CAST: variants seen among roughly 807,000 people sequenced by gnomAD.
The protein encoded by CAST is calpastatin, also known as MIR583 host.
Under a neutral mutation model 119.6 loss-of-function variants are expected in CAST, and 76 were observed. The observed-to-expected ratio is 0.64, with a 90% CI of 0.53 to 0.77. The LOEUF is 0.77. Ranked by LOEUF, CAST falls within the 30% of genes least tolerant of loss-of-function variation. The pLI, the probability that CAST is intolerant of heterozygous loss-of-function variation, is 0.00. For missense variants in CAST, 953 were observed against 946.5 expected, an observed-to-expected ratio of 1.01 and a Z score of -0.09; for synonymous variants, 319 against 331.6, an observed-to-expected ratio of 0.96 and a Z score of 0.41.
intron 1 of CAST, among the ~76,000 whole-genome samples, chr5:96,554,589 A>C (rs1203896444): frequency 1.3e-5 from 2 of 152,248 alleles, no homozygotes; most frequent in East Asian, 3.8e-4. Context: ...TCTGCACAGC[A>C]AAAGAAACTA....
At chr5:96,521,336 C>A (rs897110636), upstream of CAST, among the ~76,000 whole-genome samples, 1 of 152,210 alleles carries the variant, frequency 6.6e-6, no homozygotes, top group Admixed American at 6.5e-5. Flanking sequence ...AGGCTGGCCC[C>A]ATCTGTCCTT....
chr5:96,463,442 A>G, the CAST span, among the ~76,000 whole-genome samples: 1 of 152,096 alleles, frequency 6.6e-6, no homozygotes, highest in African/African-American at 2.4e-5. Context: ...TTCTTGGGGA[A>G]ACCACATTGC....
chr5:96,570,636 C>T (rs932159691), intron 1 of CAST, among the ~76,000 whole-genome samples: 5 of 152,194 alleles, frequency 3.3e-5, no homozygotes, highest in African/African-American at 9.6e-5. Context: ...ATGCTTAAAA[C>T]ATGTAGAGTG....
At chr5:96,620,288 CTTT>C (rs60552077) in intron 1 of CAST, among the ~76,000 whole-genome samples, 4 of 134,548 alleles carry the variant, frequency 3.0e-5, no homozygotes, top group East Asian at 2.2e-4. Flanking sequence ...AGTTCTTTTT[CTTT>C]TTTTTTTTTT....
chr5:96,475,943 A>G, the CAST span, among the ~76,000 whole-genome samples: 1 of 152,182 alleles, frequency 6.6e-6, no homozygotes, highest in Non-Finnish European at 1.5e-5. Context: ...CAGTCAGTGG[A>G]TCTAAGACTC....
the CAST span, among the ~76,000 whole-genome samples, chr5:96,254,165 G>C: frequency 6.6e-6 from 1 of 152,038 alleles, no homozygotes; most frequent in Non-Finnish European, 1.5e-5. Context: ...ACAAAACCTT[G>C]GAGACAGCAT....
the CAST span, among the ~76,000 whole-genome samples, chr5:96,363,678 T>C: frequency 6.6e-6 from 1 of 152,212 alleles, no homozygotes; most frequent in Non-Finnish European, 1.5e-5. Flanking sequence ...TTTTTGCACA[T>C]TGATTTTGTA....
At chr5:96,358,148 T>C in the CAST span, among the ~76,000 whole-genome samples, 1 of 152,202 alleles carries the variant, frequency 6.6e-6, no homozygotes, top group Non-Finnish European at 1.5e-5. Flanking sequence ...CTGATGGTAG[T>C]TTATATTTCT....
chr5:96,252,428 C>A, the CAST span, among the ~76,000 whole-genome samples: 1 of 152,086 alleles, frequency 6.6e-6, no homozygotes, highest in Admixed American at 6.6e-5. Context: ...GTTGTTTCTG[C>A]CCTCACAAAA....
In CAST at chr5:96,631,607, G is replaced by A. The variant is rs548645699; in HGVS notation, c.61-43932G>A. 3.0e-5 allele frequency among the ~76,000 whole-genome samples: 4 copies of A among 133,716 alleles called. 1 individual carries two copies. The highest frequency in any genetic ancestry group is 5.1e-4 in the South Asian group (2 of 3,958). 87.7% of individuals were successfully genotyped at this position (133,716 alleles called of 152,430 possible). ...TACTTTTTTTTTTTTTTGAGACGGA[G>A]TCTTGCTCTGTCTCCCAGGCTGGAG... On this transcript the variant is annotated intron_variant, in intron 1 of 11. Coordinates refer to the CAST transcript ENST00000505143.
the CAST span, among the ~76,000 whole-genome samples, chr5:96,264,725 A>G: frequency 6.6e-6 from 1 of 152,248 alleles, no homozygotes; most frequent in Non-Finnish European, 1.5e-5. Flanking sequence ...TGACATAAAT[A>G]GCATACACAT....
the CAST span, among the ~76,000 whole-genome samples, chr5:96,396,424 G>A: frequency 2.6e-5 from 4 of 152,032 alleles, no homozygotes; most frequent in African/African-American, 9.7e-5. Flanking sequence ...AGCCAGGCTT[G>A]GTGGTGGGTA....
chr5:96,727,577 A>G, intron 6 of CAST, 47 bp downstream of exon 6: 1 of 1,197,684 alleles, frequency 8.3e-7, no homozygotes, highest in Non-Finnish European at 1.2e-6. Context: ...TCTTTTTAAT[A>G]ATAATGAATA....
rs1746406263 is a variant in CAST, at chr5:96,562,953, TG to T, written c.60+33074del. 2.0e-5 allele frequency among the ~76,000 whole-genome samples: 3 copies of T among 149,360 alleles called. No individual in the cohort carries two copies. In the South Asian group the frequency reaches 6.5e-4, roughly 32 times the overall value. ...CTGAACTTTTCCTGCCCTTCTCTCC[TG>T]AAGGAGGTCATAAAACTTAGGAAGG... On this transcript the variant is annotated intron_variant, in intron 1 of 11. Transcript: ENST00000505143.
chr5:96,055,796 G>A, the CAST span, among the ~76,000 whole-genome samples: 1 of 152,008 alleles, frequency 6.6e-6, no homozygotes, highest in South Asian at 2.1e-4. Flanking sequence ...TTCTATATCA[G>A]TAATTTCCTG....
At chr5:96,757,039 T>A (rs553116408) in intron 22 of CAST, among the ~76,000 whole-genome samples, 2 of 152,284 alleles carry the variant, frequency 1.3e-5, no homozygotes, top group South Asian at 4.1e-4. Context: ...GCTTACAAGG[T>A]TAACCAGCAT....
intron 1 of CAST, among the ~76,000 whole-genome samples, chr5:96,626,891 A>G (rs1199341091): frequency 6.6e-6 from 1 of 152,234 alleles, no homozygotes; most frequent in Non-Finnish European, 1.5e-5. Context: ...GTTTGACGGC[A>G]GGTTTATGAT....
chr5:96,086,653 C>G, the CAST span, among the ~76,000 whole-genome samples: 10 of 125,834 alleles, frequency 7.9e-5, no homozygotes, highest in Non-Finnish European at 1.2e-4. Context: ...TCCTTTGACA[C>G]CATTCTTTTG....
At chr5:96,147,068 C>A in the CAST span, among the ~76,000 whole-genome samples, 1 of 152,180 alleles carries the variant, frequency 6.6e-6, no homozygotes, top group Non-Finnish European at 1.5e-5. Context: ...TACCAGATAA[C>A]TTTAGTGCCC....
Sources: allele counts gnomAD v4.1 joint callset (sites outside exome capture counted in the v4.1 genomes callset), GRCh38; gene constraint gnomAD v4.1.1; transcripts MANE v1.5; gene names NCBI Gene and HGNC (gene_info 2026-07-23, HGNC 2026-07-21).